WNT2B: variants seen among roughly 807,000 people sequenced by gnomAD.
WNT2B encodes protein Wnt-2b.
Under a neutral mutation model 40.5 loss-of-function variants are expected in WNT2B, and 19 were observed. The ratio of observed to expected loss-of-function variants is 0.47; its 90% CI spans 0.33 to 0.69. The LOEUF (loss-of-function observed/expected upper bound fraction) is 0.69. Among genes scored for constraint, WNT2B ranks in the 30% least tolerant of loss-of-function variants. The pLI, the probability that WNT2B is intolerant of heterozygous loss-of-function variation, is 0.02. For synonymous variants in WNT2B, 220 were observed against 211.9 expected, an observed-to-expected ratio of 1.04 and a Z score of -0.33; for missense variants, 467 against 556.4, an observed-to-expected ratio of 0.84 and a Z score of 1.62.
chr1:112,508,875 G>C (rs1570788300), upstream of WNT2B: 1 of 1,013,186 alleles, frequency 9.9e-7, no homozygotes, highest in East Asian at 9.2e-5. This position sits in a 1 kb window ranked among gnomAD's most constrained non-coding sequence, Gnocchi z 4.2. Context: ...GGCTTGGCGC[G>C]GGCGGAGCCG....
intron 1 of WNT2B, among the ~76,000 whole-genome samples, chr1:112,480,435 A>G (rs1203390794): frequency 6.6e-6 from 1 of 152,010 alleles, no homozygotes; most frequent in Non-Finnish European, 1.5e-5. Flanking sequence ...ATAAAGGACT[A>G]TTATGAACAA....
rs148935192 is a variant in WNT2B at position 112,498,236 on chromosome 1, A to T, written c.-94-16638A>T. On this transcript the variant is annotated intron_variant, in intron 1 of 4. Transcript: ENST00000256640. ...CATCCATGTCCCTGTAAAGGACATGATCTCATTCCTTTTTTTTTTTAGTTT... is the reference window on the plus strand; with the variant it reads ...CATCCATGTCCCTGTAAAGGACATGTTCTCATTCCTTTTTTTTTTTAGTTT... 6.5e-3 allele frequency among the ~76,000 whole-genome samples: 978 copies of T among 150,480 alleles called. 11 individuals carry two copies. Among genetic ancestry groups the T allele is most frequent in the African/African-American group, 0.023 (935 of 40,980 alleles).
intron 1 of WNT2B, among the ~76,000 whole-genome samples, chr1:112,472,559 GAAA>G (rs35939097): frequency 2.2e-4 from 20 of 89,140 alleles, no homozygotes; most frequent in African/African-American, 7.1e-4. Flanking sequence ...CCCAACCAAT[GAAA>G]AAAAAAAAAA....
At chr1:112,473,462 A>G (rs893600652) in intron 1 of WNT2B, among the ~76,000 whole-genome samples, 12 of 152,188 alleles carry the variant, frequency 7.9e-5, no homozygotes, top group African/African-American at 2.9e-4. Context: ...AAAAAAATGG[A>G]TGAGATTAGC....
rs749037667 is a variant in WNT2B at position 112,516,162 on chromosome 1, A to G, written c.426A>G (p.Val142=). The change falls in exon 3 of 5, where the codon GTA becomes GTG. Residue 142 remains valine, a synonymous_variant. Coordinates refer to ENST00000369684, the MANE Select transcript of WNT2B (RefSeq NM_024494.3). ...TAGGTAGCCGAGAGGCAGCTTTTGT[A>G]TATGCCATCTCATCAGCAGGGGTAG... is the stretch of plus-strand genomic sequence containing the variant. The part of the protein sequence containing the change: ...MLRSSREAAF[V]YAISSAGVVH... 1.9e-6 allele frequency: 3 copies of G among 1,613,350 alleles called. No homozygotes were observed. The African/African-American group carries it at 4.0e-5, about 22-fold the overall frequency.
rs979791710 is a variant in WNT2B at position 112,524,610 on chromosome 1, G to C, written c.*4101G>C. On this transcript the variant is annotated 3_prime_UTR_variant, in exon 5 of 5. Transcript: ENST00000369684. The stretch of plus-strand genomic sequence containing the variant: ...CACCTGGTTATTGATGGCCTTGGTG[G>C]AGGCCTCTGCCCCGACCCTCCACTT... 6.6e-6 allele frequency: 1 copy of C among 152,614 alleles called. No individual in the cohort carries two copies. The highest frequency in any genetic ancestry group is 2.4e-5 in the African/African-American group (1 of 41,422). The allele number at this position is 152,614 out of a possible 1,614,324, so 9.5% of individuals were successfully genotyped here. A position where few individuals can be genotyped will look rare whatever the true frequency, so the allele number is the denominator to read the frequency against.
chr1:112,496,033 C>T (rs1373521975), intron 1 of WNT2B, among the ~76,000 whole-genome samples: 2 of 152,196 alleles, frequency 1.3e-5, no homozygotes, highest in Non-Finnish European at 2.9e-5. Context: ...TTAATTACTT[C>T]CCGAAGACCC....
rs190870579 is a variant in WNT2B, at chr1:112,473,853, G to A, written c.-95+6262G>A. On this transcript the variant is annotated intron_variant, in intron 1 of 4. Coordinates refer to the WNT2B transcript ENST00000256640. ...GGGTGGATCATGAGGTCAGGAGATC[G>A]AGATTATCCTGGCTAACACAGTGAA... Among the ~76,000 whole-genome samples the A allele has an allele frequency of 2.3e-3, 352 of 150,462 alleles. 1 individual carries two copies. The highest frequency in any genetic ancestry group is 0.014 in the Middle Eastern group (4 of 292).
At position 112,510,475 on chromosome 1, in the gene WNT2B, C is replaced by T. The variant is rs114571819; in HGVS notation, c.182+1031C>T. ...AGTGCCTCCCGTCCTTTCCTTACTC[C>T]GTTCTTCTTCCCGTGCAAGCCCCCC... On this transcript the variant is annotated intron_variant, in intron 1 of 4. Transcript: ENST00000369684. 4.2e-3 allele frequency among the ~76,000 whole-genome samples: 645 copies of T among 152,134 alleles called. 4 individuals carry two copies. The highest frequency in any genetic ancestry group is 0.015 in the African/African-American group (620 of 41,518).
Position 112,515,187 on chromosome 1 carries a change from CCA to C in WNT2B, c.403+99_403+100del. On this transcript the variant is annotated intron_variant, in intron 2 of 4. Coordinates refer to ENST00000369684, the MANE Select transcript of WNT2B (RefSeq NM_024494.3). The surrounding 1 kb of genome is among the most constrained non-coding windows in gnomAD (Gnocchi z 4.4). ...TAGGCAAGATCTCCCCTCTCCTCTC[CCA>C]CACACTGTTTCATCATCAGAGAAAG... 7.3e-7 allele frequency: 1 copy of C among 1,372,762 alleles called. No individual in the cohort carries two copies. Among genetic ancestry groups the C allele is most frequent in the Non-Finnish European group, 1.0e-6 (1 of 995,100 alleles). The allele number at this position is 1,372,762 out of a possible 1,614,324, so 85.0% of individuals were successfully genotyped here.
chr1:112,482,146 C>CA (rs60224833), intron 1 of WNT2B, among the ~76,000 whole-genome samples: 4,810 of 124,870 alleles, frequency 0.039, 270 homozygotes, highest in African/African-American at 0.13. Flanking sequence ...AACTCCATCT[C>CA]AAAAAAAAAA....
At position 112,515,671 on chromosome 1, in the gene WNT2B, A is replaced by G. The variant is rs1652504435; in HGVS notation, c.404-469A>G. Reference sequence around the variant, plus strand: ...TCAGTCTCCAAGAGCAGGGAGGGAGAGCAAGCAGGCAAGGGAGGGTAGCAT... The same window carrying G: ...TCAGTCTCCAAGAGCAGGGAGGGAGGGCAAGCAGGCAAGGGAGGGTAGCAT... On this transcript the variant is annotated intron_variant, in intron 2 of 4. Coordinates refer to ENST00000369684, the MANE Select transcript of WNT2B (RefSeq NM_024494.3). The surrounding 1 kb of genome is among the most constrained non-coding windows in gnomAD (Gnocchi z 4.4). Among the ~76,000 whole-genome samples, 1 of 152,172 alleles carries G rather than the reference A, an allele frequency of 6.6e-6. No homozygotes were observed. Among genetic ancestry groups the G allele is most frequent in the Admixed American group, 6.5e-5 (1 of 15,274 alleles).
At chr1:112,474,281 G>T (rs1004907078) in intron 1 of WNT2B, among the ~76,000 whole-genome samples, 1 of 151,382 alleles carries the variant, frequency 6.6e-6, no homozygotes, top group Non-Finnish European at 1.5e-5. Flanking sequence ...AAGTAGCTGG[G>T]ACTACAGGTG....
intron 1 of WNT2B, among the ~76,000 whole-genome samples, chr1:112,489,833 G>T (rs1212745138): frequency 6.6e-6 from 1 of 151,890 alleles, no homozygotes; most frequent in Admixed American, 6.6e-5. Context: ...TCCCTCGCCA[G>T]TATGTTCCTT....
intron 1 of WNT2B, among the ~76,000 whole-genome samples, chr1:112,510,825 G>A (rs1455046387): frequency 6.6e-6 from 1 of 152,096 alleles, no homozygotes; most frequent in African/African-American, 2.4e-5. Flanking sequence ...AAGGGGAGAA[G>A]GGGGATGAGG....
chr1:112,520,461 C>T lies in WNT2B; in HGVS notation c.1128C>T (p.Val376=). 6.2e-7 allele frequency: 1 copy of T among 1,614,168 alleles called. No individual in the cohort carries two copies. The highest frequency in any genetic ancestry group is 8.5e-7 in the Non-Finnish European group (1 of 1,180,028). The change falls in exon 5 of 5, where the codon GTC becomes GTT. Residue 376 remains valine, a synonymous_variant. Coordinates refer to ENST00000369684, the MANE Select transcript of WNT2B (RefSeq NM_024494.3). ...AGGAATGCAGAAATACTGTGGACGT[C>T]CATACTTGCAAAGCCCCCAAGAAGG... ...RCKECRNTVD[V]HTCKAPKKAE... is the part of the protein sequence containing the mutation.
intron 1 of WNT2B, among the ~76,000 whole-genome samples, chr1:112,512,119 C>A (rs575951053): frequency 4.8e-4 from 72 of 151,416 alleles, no homozygotes; most frequent in African/African-American, 1.7e-3. Flanking sequence ...GTGTCTTTAA[C>A]ATACAAACAT....
chr1:112,503,988 A>G (rs772985167), upstream of WNT2B, among the ~76,000 whole-genome samples: 1 of 152,092 alleles, frequency 6.6e-6, no homozygotes, highest in Non-Finnish European at 1.5e-5. Context: ...ATTGGAAACA[A>G]CTCTCACTTC....
chr1:112,479,428 G>C (rs958188562), intron 1 of WNT2B, among the ~76,000 whole-genome samples: 31 of 151,702 alleles, frequency 2.0e-4, no homozygotes, highest in African/African-American at 7.3e-4. Context: ...ACAAAAATTA[G>C]CCGGTTGTGG....
Sources: allele counts gnomAD v4.1 joint callset (sites outside exome capture counted in the v4.1 genomes callset), GRCh38; gene constraint gnomAD v4.1.1; non-coding constraint Gnocchi (gnomAD v3.1); transcripts MANE v1.5; gene names NCBI Gene and HGNC (gene_info 2026-07-23, HGNC 2026-07-21).